LAMA5: variants seen among roughly 807,000 people sequenced by gnomAD.
The protein encoded by LAMA5 is laminin subunit alpha 5, also known as laminin subunit alpha-5.
LAMA5 carries 260 observed loss-of-function variants against 433.4 expected under a neutral mutation model. The observed-to-expected ratio is 0.60, with a 90% CI of 0.54 to 0.66. The LOEUF (loss-of-function observed/expected upper bound fraction) is 0.66, where lower values mean the gene tolerates loss of function less well. Ranked by LOEUF, LAMA5 falls within the 30% of genes least tolerant of loss-of-function variation. The pLI is 0.00. For missense variants in LAMA5, 5,378 were observed against 5,258.5 expected (o/e 1.02, Z -0.70); for synonymous variants, 2,620 against 2,226.6 (o/e 1.18, Z -4.97).
intron 78 of LAMA5, 22 bp from the exon 79 acceptor site, chr20:62,309,857 G>A: frequency 1.2e-6 from 2 of 1,610,662 alleles, no homozygotes; most frequent in African/African-American, 1.3e-5. Flanking sequence ...GGGGACTCCT[G>A]AGGCCAGGTG....
Position 62,312,321 on chromosome 20 carries a change from G to T in LAMA5, c.9361-5C>A. ...GAAAGTCATGGCGCGCCCCACCTGCGGGGAGGCCATCCCTGAGTGCCCGCG... is the reference window on the plus strand; with the variant it reads ...GAAAGTCATGGCGCGCCCCACCTGCTGGGAGGCCATCCCTGAGTGCCCGCG... On this transcript the variant is annotated splice_polypyrimidine_tract_variant and splice_region_variant and intron_variant, in intron 68 of 79. Coordinates refer to ENST00000252999, the MANE Select transcript of LAMA5 (RefSeq NM_005560.6). 6.2e-7 allele frequency: 1 copy of T among 1,608,134 alleles called. No individual in the cohort carries two copies.
In LAMA5 at chr20:62,316,711, T is replaced by C; in HGVS notation, c.7716A>G (p.Leu2572=). The change falls in exon 57 of 80, where the codon CTA becomes CTG. Residue 2572 remains leucine (L), a synonymous_variant. Coordinates refer to ENST00000252999, the MANE Select transcript of LAMA5 (RefSeq NM_005560.6). ...GCTGTTCCTGGAGCATGGCCTCTTC[T>C]AGTGCAGTGCTGTTGGCCAGGAGCT... ...AQQLLANSTA[L]EEAMLQEQQR... The C allele has an allele frequency of 6.2e-7, 1 of 1,609,616 alleles. No individual in the cohort carries two copies. The highest frequency in any genetic ancestry group is 8.5e-7 in the Non-Finnish European group (1 of 1,178,114).
intron 36 of LAMA5, 26 bp from the exon 37 acceptor site, chr20:62,327,695 G>A (rs554155472): frequency 6.2e-7 from 1 of 1,605,462 alleles, no homozygotes; most frequent in Admixed American, 1.7e-5. Flanking sequence ...CAGTGAGAGT[G>A]GTCGGCAGGT....
chr20:62,339,212 G>A (rs1356359267), intron 11 of LAMA5, among the ~76,000 whole-genome samples: 9 of 148,202 alleles, frequency 6.1e-5, no homozygotes, highest in African/African-American at 2.0e-4. Context: ...AAAACAAGCT[G>A]CAAAACAAAT....
chr20:62,313,107 A>G lies in LAMA5; in HGVS notation c.8936T>C (p.Leu2979Pro). Residue 2979 changes from leucine (L) to proline (P), a missense_variant, in exon 65 of 80, where the codon CTC becomes CCC. By Grantham distance (98) the Leu-to-Pro change is moderately conservative. Coordinates refer to ENST00000252999, the MANE Select transcript of LAMA5 (RefSeq NM_005560.6). ...GCGCACCTGCTGCTTCAGGAAGAAG[A>G]GCACCCCGCTGTAGGACACGAGCCG... ...ELRLVSYSGV[L>P]FFLKQQSQFL... 2 of 1,609,572 alleles carry G rather than the reference A, an allele frequency of 1.2e-6. No individual in the cohort carries two copies. The highest frequency in any genetic ancestry group is 1.7e-6 in the Non-Finnish European group (2 of 1,179,668).
In LAMA5 at chr20:62,333,475, C is replaced by G. The variant is rs770004801; in HGVS notation, c.3028G>C (p.Val1010Leu). 1 of 1,611,724 alleles carries G rather than the reference C, an allele frequency of 6.2e-7. No homozygotes were observed. The highest frequency in any genetic ancestry group is 2.2e-5 in the East Asian group (1 of 44,854). The change falls in exon 25 of 80, where the codon GTG becomes CTG. Residue 1010 changes from valine (V) to leucine (L), a missense_variant. Transcript: ENST00000252999. Reference sequence around the variant, plus strand: ...TAGTATGCGCTAGGCAGCAGAACCACGTAGTCCTGCAGGGTGGAGGTGGTG... The same window carrying G: ...TAGTATGCGCTAGGCAGCAGAACCAGGTAGTCCTGCAGGGTGGAGGTGGTG... ...VEAEGVLLDY[V>L]VLLPSAYYEA...
rs775283883 is a variant in LAMA5, at chr20:62,322,053, T to G, written c.6462A>C (p.Pro2154=). Residue 2154 remains proline, a synonymous_variant, in exon 48 of 80, where the codon CCA becomes CCC. Transcript: ENST00000252999. ...TCSQQHQVPV[P]GGPVGHSIHC... ...GGATGCTGTGGCCCACAGGCCCGCC[T>G]GGAACAGGCACCTGATGCTGCTGGC... 1 of 1,599,322 alleles carries G rather than the reference T, an allele frequency of 6.3e-7. No homozygotes were observed. The highest frequency in any genetic ancestry group is 1.7e-5 in the Admixed American group (1 of 59,920).
Position 62,313,419 on chromosome 20 carries a change from G to C in LAMA5, c.8700C>G (p.Ile2900Met). Residue 2900 changes from isoleucine to methionine, a missense_variant, in exon 64 of 80, where the codon ATC becomes ATG. Coordinates refer to ENST00000252999, the MANE Select transcript of LAMA5 (RefSeq NM_005560.6). ...CCTCCTCATTCAGCGTGTCCATCTC[G>C]ATGCAGCCCCGGTAGCCGGGGAAGC... The part of the protein sequence containing the change: ...LLRFPGYRGC[I>M]EMDTLNEEVV... 6.2e-7 allele frequency: 1 copy of C among 1,610,382 alleles called. No homozygotes were observed. The highest frequency in any genetic ancestry group is 8.5e-7 in the Non-Finnish European group (1 of 1,179,050).
rs760797947 is a variant in LAMA5 at position 62,309,465 on chromosome 20, G to A, written c.10959C>T (p.Ala3653=). Residue 3653 remains alanine (A), a synonymous_variant, in exon 80 of 80, where the codon GCC becomes GCT. Transcript: ENST00000252999. The part of the protein sequence containing the change: ...LYLGGLPEPM[A]VQPWPPAYCG... ...AGTAGGCGGGGGGCCAGGGCTGCAC[G>A]GCCATGGGCTCTGGGGGCACAGGGA... The A allele has an allele frequency of 5.3e-5, 83 of 1,580,670 alleles. 1 individual carries two copies. The South Asian group carries it at 7.4e-4, about 14-fold the overall frequency.
rs964651807 is a variant in LAMA5, at chr20:62,319,006, C to A, written c.6879G>T (p.Met2293Ile). 6.3e-7 allele frequency: 1 copy of A among 1,580,244 alleles called. No homozygotes were observed. The highest frequency in any genetic ancestry group is 1.3e-5 in the African/African-American group (1 of 74,528). ...CCAGCCCCAGGTGGCCCGTCTGGGACATGAGCTCTGTGGGGCAGGGGTTCG... is the reference window on the plus strand; with the variant it reads ...CCAGCCCCAGGTGGCCCGTCTGGGAAATGAGCTCTGTGGGGCAGGGGTTCG... ...RAVDRTLSEL[M>I]SQTGHLGLAN... The change falls in exon 52 of 80, where the codon ATG becomes ATT. Residue 2293 changes from methionine to isoleucine, a missense_variant. Physicochemically the swap from Met to Ile is conservative, Grantham distance 10. Transcript: ENST00000252999.
intron 71 of LAMA5, 26 bp from the exon 72 acceptor site, chr20:62,311,562 C>T: frequency 6.2e-7 from 1 of 1,609,788 alleles, no homozygotes; most frequent in Non-Finnish European, 8.5e-7. Context: ...AGGCGGTCAG[C>T]AGCTGCGGAA....
intron 40 of LAMA5, 81 bp from the exon 41 acceptor site, chr20:62,325,627 G>T: frequency 1.1e-6 from 1 of 915,318 alleles, no homozygotes; most frequent in Non-Finnish European, 1.7e-6. Flanking sequence ...CCCCAACCCT[G>T]TAGGGGATGG....
Position 62,328,837 on chromosome 20 carries a change from T to C in LAMA5, c.4447+7A>G. The C allele has an allele frequency of 6.2e-7, 1 of 1,610,124 alleles. No homozygotes were observed. The highest frequency in any genetic ancestry group is 8.5e-7 in the Non-Finnish European group (1 of 1,179,068). On this transcript the variant is annotated splice_region_variant and intron_variant, in intron 34 of 79. Transcript: ENST00000252999. ...GCCACTGGGCGCCCAAGGACTGGGG[T>C]ACTCACGCCTGCAGTTGGGGAAGCC... is the stretch of plus-strand genomic sequence containing the variant.
Position 62,338,150 on chromosome 20 carries a change from A to G in LAMA5, c.1757T>C (p.Leu586Ser). 6.3e-7 allele frequency: 1 copy of G among 1,575,802 alleles called. No homozygotes were observed. Among genetic ancestry groups the G allele is most frequent in the African/African-American group, 1.3e-5 (1 of 74,190 alleles). The change falls in exon 14 of 80, where the codon TTG becomes TCG. Residue 586 changes from leucine to serine, a missense_variant and splice_region_variant. Physicochemically the swap from Leu to Ser is moderately radical, Grantham distance 145. Transcript: ENST00000252999. ...PGYFHFPLCQ[L>S]CGCSPAGTLP... ...GGTTCCTGCAGGGCTGCAGCCACACACTGCAGAGCGGAGCGGGTGTCACGG... is the reference window on the plus strand; with the variant it reads ...GGTTCCTGCAGGGCTGCAGCCACACGCTGCAGAGCGGAGCGGGTGTCACGG...
intron 6 of LAMA5, 76 bp from the exon 7 acceptor site, chr20:62,347,104 G>A: frequency 1.8e-6 from 2 of 1,140,980 alleles, no homozygotes; most frequent in East Asian, 2.5e-5. Context: ...TCCCTGAAGG[G>A]GCCTGTGATC....
chr20:62,367,273 G>A lies in LAMA5; in HGVS notation c.-28C>T. The A allele has an allele frequency of 1.7e-6, 2 of 1,152,064 alleles. No individual in the cohort carries two copies. Among genetic ancestry groups the A allele is most frequent in the Non-Finnish European group, 2.1e-6 (2 of 937,814 alleles). 71.4% of individuals were successfully genotyped at this position (1,152,064 alleles called of 1,614,324 possible). On this transcript the variant is annotated 5_prime_UTR_variant, in exon 1 of 80. Transcript: ENST00000252999. ...TCCCGGCTCCGGGCCGCGTCCCCGAGCTCCAGGGACAGCGCGCGCGGCGGG... is the reference window on the plus strand; with the variant it reads ...TCCCGGCTCCGGGCCGCGTCCCCGAACTCCAGGGACAGCGCGCGCGGCGGG...
chr20:62,366,787 C>T (rs1331728601), intron 1 of LAMA5, among the ~76,000 whole-genome samples, 162 bp downstream of exon 1: 2 of 152,184 alleles, frequency 1.3e-5, no homozygotes, highest in African/African-American at 2.4e-5. Flanking sequence ...CCGGCCGAGA[C>T]GGAGCGGCCG....
chr20:62,334,664 C>T, intron 20 of LAMA5, 43 bp from the exon 21 acceptor site: 3 of 1,503,810 alleles, frequency 2.0e-6, no homozygotes, highest in South Asian at 1.2e-5. Flanking sequence ...CTGGCCCCCA[C>T]CCAGCCTCAG....
chr20:62,355,218 G>A (rs926664088), intron 2 of LAMA5: 5 of 152,422 alleles, frequency 3.3e-5, no homozygotes, highest in African/African-American at 9.6e-5. Context: ...ACACCTCCTC[G>A]GGACCCTGAC....
Sources: gnomAD v4.1 joint callset for allele counts (sites outside exome capture counted in the v4.1 genomes callset) on GRCh38, gnomAD v4.1.1 for gene constraint, MANE v1.5 for transcripts, NCBI Gene and HGNC (gene_info 2026-07-23, HGNC 2026-07-21) for gene names.